DCAF10: variants seen among roughly 807,000 people sequenced by gnomAD.
The protein encoded by DCAF10 is DDB1 and CUL4 associated factor 10.
Under a neutral mutation model 51.9 loss-of-function variants are expected in DCAF10, and 19 were observed. That is an observed-to-expected ratio of 0.37 (90% CI 0.26 to 0.54). DCAF10 has a LOEUF of 0.54. DCAF10 is among the 20% of genes least tolerant of loss of function. DCAF10 has a pLI of 0.87. For missense variants in DCAF10, 510 were observed against 730.6 expected (o/e 0.70, Z 3.48); for synonymous variants, 291 against 297.1 (o/e 0.98, Z 0.21).
rs1362786309 is a variant in DCAF10 at position 37,865,720 on chromosome 9, T to C, written c.*4212T>C. On this transcript the variant is annotated 3_prime_UTR_variant, in exon 7 of 7. Transcript: ENST00000377724. ...GCAGAAGAGACGTCTATTTTAGTCT[T>C]TTAAAAATGTGTGTGGGTGGTCTTT... 6.6e-6 allele frequency: 1 copy of C among 152,174 alleles called. No individual in the cohort carries two copies. Among genetic ancestry groups the C allele is most frequent in the East Asian group, 1.9e-4 (1 of 5,196 alleles). 9.4% of individuals were successfully genotyped at this position (152,174 alleles called of 1,614,324 possible). A position where few individuals can be genotyped will look rare whatever the true frequency, so the allele number is the denominator to read the frequency against.
intron 1 of DCAF10, among the ~76,000 whole-genome samples, chr9:37,806,461 T>TGA (rs1163291365): frequency 1.3e-5 from 2 of 152,216 alleles, no homozygotes; most frequent in Non-Finnish European, 2.9e-5. Flanking sequence ...ATAGGCCCAG[T>TGA]GACCATCTGG....
chr9:37,845,733 C>T (rs1386503222), intron 3 of DCAF10, among the ~76,000 whole-genome samples: 2 of 152,194 alleles, frequency 1.3e-5, no homozygotes, highest in African/African-American at 2.4e-5. Flanking sequence ...GTCCCCCTTA[C>T]ACAATATGGC....
In DCAF10 at chr9:37,864,687, AC is replaced by A. The variant is rs1587140364; in HGVS notation, c.*3180del. The A allele has an allele frequency of 6.6e-6, 1 of 152,236 alleles. No individual in the cohort carries two copies. The highest frequency in any genetic ancestry group is 2.4e-5 in the African/African-American group (1 of 41,462). 9.4% of individuals were successfully genotyped at this position (152,236 alleles called of 1,614,324 possible). ...CCTACCAAGTACTGTGGTCATATTG[AC>A]ATTCAAAAGAAGTTTCATAAATCGT... On this transcript the variant is annotated 3_prime_UTR_variant, in exon 7 of 7. Coordinates refer to ENST00000377724, the MANE Select transcript of DCAF10 (RefSeq NM_024345.5).
chr9:37,835,222 G>C (rs1328903297), intron 2 of DCAF10, among the ~76,000 whole-genome samples: 2 of 152,070 alleles, frequency 1.3e-5, no homozygotes, highest in East Asian at 1.9e-4. Flanking sequence ...ATCAGTTGAG[G>C]TCAGGAGTTC....
Position 37,861,630 on chromosome 9 carries a change from G to A in DCAF10, c.*122G>A, listed in dbSNP as rs183202066. On this transcript the variant is annotated 3_prime_UTR_variant, in exon 7 of 7. Coordinates refer to ENST00000377724, the MANE Select transcript of DCAF10 (RefSeq NM_024345.5). The surrounding 1 kb of genome is among the most constrained non-coding windows in gnomAD (Gnocchi z 4.9). ...TTGGGTCAAGATCCTGGTTCTTATG[G>A]GTCCATGAACACACTTGTGACCTTA... 20 of 1,397,050 alleles carry A rather than the reference G, an allele frequency of 1.4e-5. No homozygotes were observed. In the East Asian group the frequency reaches 3.3e-4, roughly 23 times the overall value. 86.5% of individuals were successfully genotyped at this position (1,397,050 alleles called of 1,614,324 possible). A position where few individuals can be genotyped will look rare whatever the true frequency, so the allele number is the denominator to read the frequency against.
At chr9:37,840,080 A>G (rs1435256096) in intron 2 of DCAF10, among the ~76,000 whole-genome samples, 1 of 152,226 alleles carries the variant, frequency 6.6e-6, no homozygotes, top group East Asian at 1.9e-4. Context: ...CTGGTTAAAC[A>G]AGGAAGGCTT....
In DCAF10 at chr9:37,854,868, T is replaced by C. The variant is rs761562981; in HGVS notation, c.940T>C (p.Leu314=). 1.9e-6 allele frequency: 3 copies of C among 1,613,960 alleles called. No individual in the cohort carries two copies. The highest frequency in any genetic ancestry group is 2.7e-5 in the African/African-American group (2 of 74,924). ...MRLTPDCSKM[L]ISTSSGYLLI... is the part of the protein sequence containing the mutation. Reference sequence around the variant, plus strand: ...GTTAACACCAGATTGTTCCAAAATGTTGATTTCAACGTCCTCTGGATATCT... The same window carrying C: ...GTTAACACCAGATTGTTCCAAAATGCTGATTTCAACGTCCTCTGGATATCT... The change falls in exon 4 of 7, where the codon TTG becomes CTG. Residue 314 remains leucine (L), a synonymous_variant. Transcript: ENST00000377724.
At chr9:37,842,049 A>C in intron 2 of DCAF10, 40 bp from the exon 3 acceptor site, 2 of 1,568,138 alleles carry the variant, frequency 1.3e-6, no homozygotes, top group South Asian at 2.4e-5. Flanking sequence ...CTTTAAAAAG[A>C]GATTAAATGA....
chr9:37,814,036 A>C (rs1029383109), intron 1 of DCAF10, among the ~76,000 whole-genome samples: 1 of 145,282 alleles, frequency 6.9e-6, no homozygotes, highest in Non-Finnish European at 1.5e-5. Context: ...AAAAGAAGGA[A>C]TAGAGATCAG....
chr9:37,859,959 G>A (rs1489096104), intron 5 of DCAF10, 89 bp from the exon 6 acceptor site: 4 of 1,472,806 alleles, frequency 2.7e-6, no homozygotes, highest in Non-Finnish European at 3.8e-6. Context: ...GACGGCATGG[G>A]AGGTGGCTGC....
chr9:37,847,635 C>G (rs1487214228), intron 3 of DCAF10, among the ~76,000 whole-genome samples: 1 of 151,962 alleles, frequency 6.6e-6, no homozygotes, highest in African/African-American at 2.4e-5. Flanking sequence ...TGAAATTATA[C>G]TGGAGGTGCA....
rs964498868 is a variant in DCAF10 at position 37,864,002 on chromosome 9, A to C, written c.*2494A>C. 2 of 149,428 alleles carry C rather than the reference A, an allele frequency of 1.3e-5. No homozygotes were observed. The highest frequency in any genetic ancestry group is 4.9e-5 in the African/African-American group (2 of 41,038). 9.3% of individuals were successfully genotyped at this position (149,428 alleles called of 1,614,324 possible). A position where few individuals can be genotyped will look rare whatever the true frequency, so the allele number is the denominator to read the frequency against. ...AAAAAACACATTTTTTAAAGAAAAT[A>C]GGGATGGGTATGGTGGCTCACGTCT... On this transcript the variant is annotated 3_prime_UTR_variant, in exon 7 of 7. Coordinates refer to ENST00000377724, the MANE Select transcript of DCAF10 (RefSeq NM_024345.5).
chr9:37,801,361 C>G lies in DCAF10; in HGVS notation c.495C>G (p.Thr165=), dbSNP rs965376632. 1 of 1,556,856 alleles carries G rather than the reference C, an allele frequency of 6.4e-7. No individual in the cohort carries two copies. The highest frequency in any genetic ancestry group is 1.4e-5 in the African/African-American group (1 of 70,312). Residue 165 remains threonine, a synonymous_variant, in exon 1 of 7, where the codon ACC becomes ACG. Transcript: ENST00000377724. This position sits in a 1 kb window ranked among gnomAD's most constrained non-coding sequence, Gnocchi z 5.5. ...CCGCGGACTCGGTGTACCTCAGCAC[C>G]CGCACCCACGGCGCCGTCTTCAACC... The part of the protein sequence containing the change: ...IHPADSVYLS[T]RTHGAVFNLE...
chr9:37,840,616 C>T (rs61614424), intron 2 of DCAF10, among the ~76,000 whole-genome samples: 1,613 of 152,210 alleles, frequency 0.011, 25 homozygotes, highest in African/African-American at 0.037. Flanking sequence ...ATTAAAAATT[C>T]ATGAAGTAAA....
intron 2 of DCAF10, among the ~76,000 whole-genome samples, chr9:37,821,775 A>G (rs192342941): frequency 6.6e-6 from 1 of 152,336 alleles, no homozygotes; most frequent in East Asian, 1.9e-4. Flanking sequence ...GGACCTAATT[A>G]AACTAAAGAG....
chr9:37,816,519 G>A (rs1440440453), intron 1 of DCAF10, among the ~76,000 whole-genome samples: 3 of 152,206 alleles, frequency 2.0e-5, no homozygotes, highest in Admixed American at 1.3e-4. Flanking sequence ...GAACCCAGGA[G>A]GCAGAGGTTG....
rs1830155175 is a variant in DCAF10 at position 37,836,041 on chromosome 9, ACG to A, written c.654-6047_654-6046del. 2.8e-6 allele frequency: 3 copies of A among 1,087,958 alleles called. No homozygotes were observed. The South Asian group carries it at 3.7e-5, about 14-fold the overall frequency. 67.4% of individuals were successfully genotyped at this position (1,087,958 alleles called of 1,614,324 possible). ...GGCCCCAAACGCCGTCCGCGCCGCC[ACG>A]GTAAGGCTGTATTGGACAGTTATGA... On this transcript the variant is annotated intron_variant, in intron 2 of 6. Transcript: ENST00000377724.
chr9:37,806,465 C>T (rs872776), intron 1 of DCAF10, among the ~76,000 whole-genome samples: 27,954 of 152,164 alleles, frequency 0.18, 2,862 homozygotes, highest in African/African-American at 0.26. Flanking sequence ...GCCCAGTGAC[C>T]ATCTGGCTTC....
chr9:37,853,107 G>A (rs1215513995), intron 3 of DCAF10, among the ~76,000 whole-genome samples: 4 of 144,838 alleles, frequency 2.8e-5, no homozygotes, highest in African/African-American at 5.3e-5. Flanking sequence ...AGCCAAGATC[G>A]CGCCATTGCA....
Sources: allele counts gnomAD v4.1 joint callset (sites outside exome capture counted in the v4.1 genomes callset), GRCh38; gene constraint gnomAD v4.1.1; non-coding constraint Gnocchi (gnomAD v3.1); transcripts MANE v1.5; gene names NCBI Gene and HGNC (gene_info 2026-07-23, HGNC 2026-07-21).